The following PRKDC variants were observed in gnomAD, a reference collection of about 807,000 sequenced individuals.
PRKDC encodes the protein protein kinase, DNA-activated, catalytic subunit, also known as DNA-dependent protein kinase catalytic subunit.
In PRKDC, 82 loss-of-function variants were observed where a neutral mutation model predicts 486.9. The ratio of observed to expected loss-of-function variants is 0.17; its 90% CI spans 0.14 to 0.20. The LOEUF (loss-of-function observed/expected upper bound fraction) is 0.20. Ranked by LOEUF, PRKDC falls within the 10% of genes least tolerant of loss-of-function variation. The pLI, the probability that PRKDC is intolerant of heterozygous loss-of-function variation, is 1.00. For synonymous variants in PRKDC, 1,895 were observed against 1,837.0 expected (o/e 1.03, Z -0.81); for missense variants, 4,504 against 5,038.2 (o/e 0.89, Z 3.21).
intron 10 of PRKDC, among the ~76,000 whole-genome samples, chr8:47,940,596 A>G (rs771725869): frequency 3.9e-5 from 6 of 152,388 alleles, no homozygotes; most frequent in African/African-American, 7.2e-5. Flanking sequence ...TTCACAAAAC[A>G]TATCATAAAT....
rs1369419808 is a variant in PRKDC, at chr8:47,773,190, AG to A, written c.*982del. 3 of 216,746 alleles carry A rather than the reference AG, an allele frequency of 1.4e-5. No individual in the cohort carries two copies. The highest frequency in any genetic ancestry group is 2.8e-5 in the Non-Finnish European group (3 of 106,626). The allele number at this position is 216,746 out of a possible 1,614,324, so 13.4% of individuals were successfully genotyped here. A position where few individuals can be genotyped will look rare whatever the true frequency, so the allele number is the denominator to read the frequency against. ...AGAGCCTCCAAATACAAGTGTTAGA[AG>A]GAAAAAAAAAAACAACAAAAAGCTA... On this transcript the variant is annotated 3_prime_UTR_variant, in exon 86 of 86. Transcript: ENST00000314191.
intron 74 of PRKDC, among the ~76,000 whole-genome samples, chr8:47,791,036 G>A (rs200118016): frequency 6.6e-6 from 1 of 152,114 alleles, no homozygotes; most frequent in Non-Finnish European, 1.5e-5. Context: ...TACCCCACAG[G>A]CACATGCAAC....
At chr8:47,859,337 T>A (rs1286146786) in intron 46 of PRKDC, among the ~76,000 whole-genome samples, 1 of 152,066 alleles carries the variant, frequency 6.6e-6, no homozygotes, top group Non-Finnish European at 1.5e-5. Context: ...CCCTGAACCG[T>A]CTGTATGGTG....
At chr8:47,928,562 T>C (rs549000501) in intron 19 of PRKDC, among the ~76,000 whole-genome samples, 139 of 149,764 alleles carry the variant, frequency 9.3e-4, no homozygotes, top group African/African-American at 3.4e-3. Context: ...TTTATTTATT[T>C]TTTTTTTTGA....
intron 73 of PRKDC, 149 bp downstream of exon 73, chr8:47,798,088 A>C (rs1255226787): frequency 2.5e-6 from 2 of 802,970 alleles, no homozygotes; most frequent in Middle Eastern, 3.9e-4. Flanking sequence ...GCTTTAAATT[A>C]CCTATGTCCT....
chr8:47,919,877 G>T (rs1449642653), intron 21 of PRKDC, among the ~76,000 whole-genome samples: 1 of 152,122 alleles, frequency 6.6e-6, no homozygotes, highest in African/African-American at 2.4e-5. Flanking sequence ...GCAGCACTGC[G>T]ACATGTTCGT....
chr8:47,888,795 C>T, intron 33 of PRKDC, 145 bp from the exon 34 acceptor site: 10 of 1,269,366 alleles, frequency 7.9e-6, no homozygotes, highest in Non-Finnish European at 1.1e-5. Flanking sequence ...GCATGGAGAT[C>T]AAACATGGCG....
chr8:47,944,100 T>A, intron 7 of PRKDC, 71 bp from the exon 8 acceptor site: 1 of 1,230,940 alleles, frequency 8.1e-7, no homozygotes, highest in Non-Finnish European at 1.2e-6. Context: ...ACAGACAGCT[T>A]GACACCTATA....
chr8:47,786,589 G>T (rs1368426004), intron 76 of PRKDC, among the ~76,000 whole-genome samples: 2 of 151,948 alleles, frequency 1.3e-5, no homozygotes, highest in African/African-American at 4.8e-5. Context: ...AATAAAGGAA[G>T]TAGTTCAATA....
intron 40 of PRKDC, among the ~76,000 whole-genome samples, chr8:47,866,865 T>C (rs2088830269): frequency 6.6e-6 from 1 of 152,180 alleles, no homozygotes; most frequent in African/African-American, 2.4e-5. Flanking sequence ...CAAGATGATA[T>C]AAACACAAGG....
At chr8:47,890,158 T>A (rs8178091) in intron 32 of PRKDC, 99 bp downstream of exon 32, 1 of 491,896 alleles carries the variant, frequency 2.0e-6, no homozygotes, top group Admixed American at 4.5e-5. Context: ...ATAATAATAA[T>A]GATAAATTTT....
In PRKDC at chr8:47,836,463, G is replaced by A. The variant is rs1210076098; in HGVS notation, c.7826C>T (p.Thr2609Ile). The A allele has an allele frequency of 7.4e-6, 12 of 1,611,922 alleles. No homozygotes were observed. Among genetic ancestry groups the A allele is most frequent in the Non-Finnish European group, 1.0e-5 (12 of 1,179,078 alleles). ...CTGGAGAGTGCCCTGGGAGGCCTGGGTCTCCACAAACATCGGAGTGAGAAC... is the reference window on the plus strand; with the variant it reads ...CTGGAGAGTGCCCTGGGAGGCCTGGATCTCCACAAACATCGGAGTGAGAAC... Reference protein sequence around the residue: ...STVLTPMFVETQASQGTLQTR... With the variant: ...STVLTPMFVEIQASQGTLQTR... Residue 2609 changes from threonine (T) to isoleucine (I), a missense_variant, in exon 58 of 86, where the codon ACC becomes ATC. Physicochemically the swap from Thr to Ile is moderately conservative, Grantham distance 89. Transcript: ENST00000314191.
chr8:47,950,530 T>G, intron 7 of PRKDC, among the ~76,000 whole-genome samples: 1 of 145,630 alleles, frequency 6.9e-6, no homozygotes. Context: ...TCGGGAGGCT[T>G]AGGCGGGAGA....
chr8:47,877,636 C>A, intron 40 of PRKDC, 88 bp downstream of exon 40: 1 of 1,302,548 alleles, frequency 7.7e-7, no homozygotes, highest in Non-Finnish European at 1.0e-6. Context: ...ATAATTGCCA[C>A]TCAGCTTTTT....
chr8:47,884,481 T>C (rs190567844), intron 36 of PRKDC, among the ~76,000 whole-genome samples: 224 of 152,372 alleles, frequency 1.5e-3, no homozygotes, highest in African/African-American at 5.0e-3. Flanking sequence ...TTTGAGATTG[T>C]AGAGGTGTTT....
chr8:47,846,241 C>T (rs2088260687), intron 54 of PRKDC, among the ~76,000 whole-genome samples: 2 of 152,058 alleles, frequency 1.3e-5, no homozygotes, highest in Admixed American at 6.6e-5. Flanking sequence ...CATGATAAAA[C>T]CCTGTCTCTA....
At chr8:47,817,117 A>C (rs1486685107) in intron 68 of PRKDC, among the ~76,000 whole-genome samples, 1 of 152,212 alleles carries the variant, frequency 6.6e-6, no homozygotes, top group Non-Finnish European at 1.5e-5. Flanking sequence ...AAAAATCATT[A>C]TGTAGTCGTC....
chr8:47,788,208 G>A (rs1018784956), intron 76 of PRKDC, among the ~76,000 whole-genome samples: 1 of 152,252 alleles, frequency 6.6e-6, no homozygotes, highest in African/African-American at 2.4e-5. Context: ...GGAGATCCCT[G>A]CGTGGGGAGG....
intron 73 of PRKDC, among the ~76,000 whole-genome samples, chr8:47,795,922 T>A (rs1245890045): frequency 1.3e-5 from 2 of 149,980 alleles, no homozygotes; most frequent in Non-Finnish European, 3.0e-5. Flanking sequence ...GAGACAAGAG[T>A]CTCACTGTGT....
Sources: gnomAD v4.1 joint callset for allele counts (sites outside exome capture counted in the v4.1 genomes callset) on GRCh38, gnomAD v4.1.1 for gene constraint, MANE v1.5 for transcripts, NCBI Gene and HGNC (gene_info 2026-07-23, HGNC 2026-07-21) for gene names.